Variants in DGCR8 observed in about 807,000 individuals in gnomAD.
The protein encoded by DGCR8 is DGCR8 microprocessor complex subunit, also known as microprocessor complex subunit DGCR8.
DGCR8 carries 14 observed loss-of-function variants against 78.5 expected under a neutral mutation model. The observed-to-expected ratio is 0.18, with a 90% confidence interval of 0.12 to 0.28. The LOEUF (loss-of-function observed/expected upper bound fraction) is 0.28. Among genes scored for constraint, DGCR8 ranks in the 10% least tolerant of loss-of-function variants. The pLI, the probability that DGCR8 is intolerant of heterozygous loss-of-function variation, is 1.00. For synonymous variants in DGCR8, 399 were observed against 402.4 expected (o/e 0.99, Z 0.10); for missense variants, 702 against 1,022.5 (o/e 0.69, Z 4.28).
At chr22:20,091,691 T>C in intron 6 of DGCR8, 59 bp downstream of exon 6, 1 of 1,589,284 alleles carries the variant, frequency 6.3e-7, no homozygotes, top group South Asian at 1.1e-5. Flanking sequence ...TCTAATGTGA[T>C]GTGTTGAGGG....
chr22:20,104,673 G>A (rs2049749046), intron 9 of DGCR8, among the ~76,000 whole-genome samples: 1 of 152,208 alleles, frequency 6.6e-6, no homozygotes, highest in African/African-American at 2.4e-5. Context: ...GACCTTCCCT[G>A]GAAAAAGACC....
intron 9 of DGCR8, 63 bp downstream of exon 9, chr22:20,094,858 AGT>A: frequency 6.8e-7 from 1 of 1,463,722 alleles, no homozygotes; most frequent in Non-Finnish European, 9.6e-7. Context: ...CTGCCCTGTT[AGT>A]GTGAGCTGGG....
At position 20,087,102 on chromosome 22, in the gene DGCR8, T is replaced by C; in HGVS notation, c.721-60T>C. The C allele has an allele frequency of 6.5e-7, 1 of 1,549,088 alleles. No homozygotes were observed. Among genetic ancestry groups the C allele is most frequent in the African/African-American group, 1.4e-5 (1 of 73,234 alleles). ...TCTGTTCTCAGGAATGCTGTTGAGC[T>C]CTCCTGTTGCAGGAGCATGAGCGCC... On this transcript the variant is annotated intron_variant, in intron 2 of 13. Coordinates refer to ENST00000351989, the MANE Select transcript of DGCR8 (RefSeq NM_022720.7). The surrounding 1 kb of genome is among the most constrained non-coding windows in gnomAD (Gnocchi z 4.1).
At chr22:20,096,564 CTATA>C (rs1290018628) in intron 9 of DGCR8, 7 of 801,852 alleles carry the variant, frequency 8.7e-6, no homozygotes, top group Non-Finnish European at 1.1e-5. Context: ...GCCTTTTAAA[CTATA>C]TAAGTGGATT....
At chr22:20,107,570 A>G (rs2147942046) in intron 12 of DGCR8, 172 bp downstream of exon 12, 1 of 706,132 alleles carries the variant, frequency 1.4e-6, no homozygotes, top group East Asian at 2.7e-5. Context: ...CGTCCCAGCT[A>G]CATCTCCTAT....
At chr22:20,081,503 G>C (rs999443478) in intron 1 of DGCR8, among the ~76,000 whole-genome samples, 30 of 152,196 alleles carry the variant, frequency 2.0e-4, no homozygotes, top group African/African-American at 7.2e-4. Context: ...AGCCCTTTGC[G>C]GCCAGGCGCT....
chr22:20,098,197 C>T (rs1170752733), intron 9 of DGCR8, among the ~76,000 whole-genome samples: 2 of 151,682 alleles, frequency 1.3e-5, no homozygotes, highest in East Asian at 1.9e-4. Context: ...CACCATATTG[C>T]TCAGGCTGGT....
In DGCR8 at chr22:20,110,244, AGG is replaced by A; in HGVS notation, c.*138_*139del. The A allele has an allele frequency of 1.2e-6, 1 of 823,840 alleles. No individual in the cohort carries two copies. Among genetic ancestry groups the A allele is most frequent in the Non-Finnish European group, 1.9e-6 (1 of 524,078 alleles). 51.0% of individuals were successfully genotyped at this position (823,840 alleles called of 1,614,324 possible). A position where few individuals can be genotyped will look rare whatever the true frequency, so the allele number is the denominator to read the frequency against. On this transcript the variant is annotated 3_prime_UTR_variant, in exon 14 of 14. Transcript: ENST00000351989. ...GTGGCCAACCTGTGGGCCCGGCCTT[AGG>A]GTGGAGGCTTTAGTGTACAGGGACA...
Position 20,107,330 on chromosome 22 carries a change from C to T in DGCR8, c.2056C>T (p.Pro686Ser). Residue 686 changes from proline (P) to serine (S), a missense_variant, in exon 12 of 14, where the codon CCA (proline) becomes TCA (serine). By Grantham distance (74) the Pro-to-Ser change is moderately conservative. Around this residue, in one of 4 missense-constraint regions of DGCR8, gnomAD observed 225 missense variants for 427.7 expected, o/e 0.53. Coordinates refer to ENST00000351989, the MANE Select transcript of DGCR8 (RefSeq NM_022720.7). Reference protein sequence around the residue: ...ASQKILQLLHPHVKNWGSLLR... With the variant: ...ASQKILQLLHSHVKNWGSLLR... ...ACAGAAGATCCTTCAGCTGCTGCAC[C>T]CACATGTCAAGAACTGGGGGTCTTT... The T allele has an allele frequency of 6.2e-7, 1 of 1,614,178 alleles. No individual in the cohort carries two copies. The highest frequency in any genetic ancestry group is 8.5e-7 in the Non-Finnish European group (1 of 1,180,014).
intron 8 of DGCR8, 150 bp from the exon 9 acceptor site, chr22:20,094,563 G>A (rs1333020020): frequency 1.3e-5 from 9 of 708,642 alleles, no homozygotes; most frequent in Non-Finnish European, 2.2e-5. Flanking sequence ...GTCCTCTCCT[G>A]ACCCTGTCAC....
chr22:20,106,152 CACAA>C, intron 9 of DGCR8, 21 bp from the exon 10 acceptor site: 1 of 1,609,262 alleles, frequency 6.2e-7, no homozygotes, highest in Non-Finnish European at 8.5e-7. Flanking sequence ...GGTGGGGACT[CACAA>C]GCCTCTGCTT....
intron 9 of DGCR8, among the ~76,000 whole-genome samples, chr22:20,104,321 C>T (rs975014926): frequency 2.6e-5 from 4 of 152,148 alleles, no homozygotes; most frequent in Admixed American, 6.5e-5. Flanking sequence ...CCTGCCACCG[C>T]GCCCGGCTAA....
At chr22:20,083,186 C>T (rs533856007) in intron 1 of DGCR8, among the ~76,000 whole-genome samples, 1 of 152,166 alleles carries the variant, frequency 6.6e-6, no homozygotes, top group African/African-American at 2.4e-5. Context: ...TCTTGGATCC[C>T]CCTTCCTAAA....
chr22:20,103,063 C>A (rs1005274925), intron 9 of DGCR8, among the ~76,000 whole-genome samples: 1 of 151,136 alleles, frequency 6.6e-6, no homozygotes, highest in African/African-American at 2.4e-5. Flanking sequence ...ACCCAGGAGG[C>A]GGAAGGTGAG....
rs2049529776 is a variant in DGCR8 at position 20,089,727 on chromosome 22, C to T, written c.939C>T (p.Asn313=). 6.2e-7 allele frequency: 1 copy of T among 1,613,864 alleles called. No individual in the cohort carries two copies. The highest frequency in any genetic ancestry group is 1.7e-5 in the Admixed American group (1 of 59,980). ...LPDGWIMTFH[N]SGVPVYLHRE... is the part of the protein sequence containing the mutation. ...ACGGGTGGATCATGACATTCCATAA[C>T]TCTGGAGTCCCGGTGTACCTACACA... The change falls in exon 4 of 14, where the codon AAC becomes AAT. Residue 313 remains asparagine (N), a synonymous_variant. Transcript: ENST00000351989. The surrounding 1 kb of genome is among the most constrained non-coding windows in gnomAD (Gnocchi z 4.9).
chr22:20,108,630 G>A (rs1468755898), intron 12 of DGCR8: 1 of 358,084 alleles, frequency 2.8e-6, no homozygotes, highest in Non-Finnish European at 5.4e-6. Context: ...ATGGCAGGAG[G>A]CCATATAAGT....
intron 6 of DGCR8, 82 bp from the exon 7 acceptor site, chr22:20,091,787 A>T: frequency 2.0e-6 from 3 of 1,488,934 alleles, no homozygotes; most frequent in Non-Finnish European, 2.8e-6. Context: ...GTGAGCCCCT[A>T]GTTACTGACA....
intron 9 of DGCR8, chr22:20,100,451 T>C: frequency 1.0e-6 from 1 of 985,414 alleles, no homozygotes; most frequent in Non-Finnish European, 1.2e-6. Flanking sequence ...AGTGCTTGCG[T>C]AGACCCTGGC....
At chr22:20,094,816 C>T (rs1245162747) in intron 9 of DGCR8, 21 bp downstream of exon 9, 25 of 1,608,646 alleles carry the variant, frequency 1.6e-5, no homozygotes, top group Non-Finnish European at 2.0e-5. Context: ...TGGTCCTGCC[C>T]TGCTGGGAGC....
Sources: allele counts gnomAD v4.1 joint callset (sites outside exome capture counted in the v4.1 genomes callset), GRCh38; gene constraint gnomAD v4.1.1; regional missense constraint gnomAD v4.1.1; non-coding constraint Gnocchi (gnomAD v3.1); transcripts MANE v1.5; gene names NCBI Gene and HGNC (gene_info 2026-07-23, HGNC 2026-07-21).